ATP9B: variants seen among roughly 807,000 people sequenced by gnomAD.
The protein encoded by ATP9B is ATPase phospholipid transporting 9B.
A neutral mutation model predicts 146.1 loss-of-function variants in ATP9B; 110 were observed. That is an observed-to-expected ratio of 0.75 (90% CI 0.65 to 0.88). The LOEUF (loss-of-function observed/expected upper bound fraction) is 0.88, where lower values mean the gene tolerates loss of function less well. Ranked by LOEUF, ATP9B falls within the 40% of genes least tolerant of loss-of-function variation. ATP9B has a pLI of 0.00. For synonymous variants in ATP9B, 604 were observed against 569.7 expected (o/e 1.06, Z -0.86); for missense variants, 1,499 against 1,496.4 (o/e 1.00, Z -0.03).
chr18:79,290,385 T>G (rs1316765156), intron 13 of ATP9B, among the ~76,000 whole-genome samples: 1 of 152,206 alleles, frequency 6.6e-6, no homozygotes, highest in Non-Finnish European at 1.5e-5. Context: ...GTGCTAGCAA[T>G]CAGCGAGACT....
intron 15 of ATP9B, among the ~76,000 whole-genome samples, chr18:79,325,955 ATC>A (rs1267183800): frequency 7.3e-6 from 1 of 136,548 alleles, no homozygotes; most frequent in African/African-American, 2.9e-5. Flanking sequence ...TTAGGGTGTC[ATC>A]TCTGTACCCT....
chr18:79,311,981 C>T (rs2096655029), intron 15 of ATP9B, among the ~76,000 whole-genome samples: 1 of 152,224 alleles, frequency 6.6e-6, no homozygotes, highest in Admixed American at 6.5e-5. Flanking sequence ...TCGTGGCAGG[C>T]TTTTGCTGTC....
intron 8 of ATP9B, among the ~76,000 whole-genome samples, chr18:79,180,254 G>A (rs985329910): frequency 1.3e-5 from 2 of 152,262 alleles, no homozygotes; most frequent in African/African-American, 4.8e-5. Flanking sequence ...TAATGTGGTT[G>A]AGCGGAAGTC....
At chr18:79,231,408 G>A (rs908939257) in intron 11 of ATP9B, among the ~76,000 whole-genome samples, 4 of 152,084 alleles carry the variant, frequency 2.6e-5, no homozygotes, top group South Asian at 2.1e-4. Context: ...GCAACATCAC[G>A]AATTATCAGG....
chr18:79,230,755 G>A (rs572507997), intron 11 of ATP9B, among the ~76,000 whole-genome samples: 16 of 151,924 alleles, frequency 1.1e-4, no homozygotes, highest in African/African-American at 2.9e-4. Flanking sequence ...AAAAGAGCTC[G>A]CATAGCCAAA....
intron 28 of ATP9B, among the ~76,000 whole-genome samples, chr18:79,375,067 C>T (rs2097095282): frequency 6.6e-6 from 1 of 152,240 alleles, no homozygotes; most frequent in African/African-American, 2.4e-5. Flanking sequence ...GCTCCTTTCA[C>T]ACCTGCAGAA....
intron 13 of ATP9B, 106 bp from the exon 14 acceptor site, chr18:79,303,498 A>G (rs2096604612): frequency 3.8e-6 from 3 of 787,092 alleles, no homozygotes; most frequent in Admixed American, 4.4e-5. Flanking sequence ...TGGGCATCCC[A>G]GCTGCTTCAG....
chr18:79,175,099 G>C (rs1368052974), intron 7 of ATP9B, among the ~76,000 whole-genome samples: 2 of 151,710 alleles, frequency 1.3e-5, no homozygotes, highest in Non-Finnish European at 2.9e-5. Context: ...TACTCGGAAG[G>C]CTGAGGCAGG....
chr18:79,345,925 G>A, intron 23 of ATP9B, 86 bp downstream of exon 23: 1 of 1,453,218 alleles, frequency 6.9e-7, no homozygotes, highest in Non-Finnish European at 9.6e-7. Context: ...TGTACACTCA[G>A]CACCTACTTG....
At chr18:79,373,550 T>C (rs944947339) in intron 27 of ATP9B, among the ~76,000 whole-genome samples, 1 of 150,094 alleles carries the variant, frequency 6.7e-6, no homozygotes, top group Admixed American at 6.7e-5. Context: ...AGTGCAGTGG[T>C]GTGGTCTCAG....
chr18:79,161,606 T>A (rs1160811002), intron 7 of ATP9B, among the ~76,000 whole-genome samples: 2 of 152,204 alleles, frequency 1.3e-5, no homozygotes, highest in Non-Finnish European at 2.9e-5. Context: ...CCCAGCACTT[T>A]GGGAGGCCGA....
chr18:79,294,475 A>G (rs1211647256), intron 13 of ATP9B, among the ~76,000 whole-genome samples: 1 of 152,240 alleles, frequency 6.6e-6, no homozygotes, highest in East Asian at 1.9e-4. Context: ...CAGGCACAGG[A>G]GAAACGGCCA....
chr18:79,288,849 T>C (rs2096471154), intron 13 of ATP9B, among the ~76,000 whole-genome samples: 2 of 152,144 alleles, frequency 1.3e-5, no homozygotes, highest in Admixed American at 1.3e-4. Context: ...GTCTGTAAAG[T>C]ATTTTATTTC....
intron 5 of ATP9B, among the ~76,000 whole-genome samples, chr18:79,129,817 C>T (rs530888434): frequency 1.5e-4 from 23 of 151,810 alleles, no homozygotes; most frequent in Non-Finnish European, 2.6e-4. Context: ...GATCTCAGCT[C>T]ACTGCAACCT....
intron 9 of ATP9B, among the ~76,000 whole-genome samples, chr18:79,203,877 A>G (rs2095511137): frequency 6.6e-6 from 1 of 152,188 alleles, no homozygotes; most frequent in African/African-American, 2.4e-5. Flanking sequence ...GTTAGAGGAT[A>G]TATATCTTTT....
chr18:79,177,125 A>G (rs984562030), intron 8 of ATP9B, among the ~76,000 whole-genome samples: 1 of 152,082 alleles, frequency 6.6e-6, no homozygotes, highest in African/African-American at 2.4e-5. Flanking sequence ...ATTTTCTTTG[A>G]CACTTAGGTT....
At chr18:79,315,837 C>A (rs1306115882) in intron 15 of ATP9B, among the ~76,000 whole-genome samples, 3 of 152,154 alleles carry the variant, frequency 2.0e-5, no homozygotes, top group South Asian at 4.1e-4. Context: ...TGCTAAGCAG[C>A]CTGTGCATGA....
At chr18:79,165,362 G>T (rs2094949483) in intron 7 of ATP9B, among the ~76,000 whole-genome samples, 1 of 152,176 alleles carries the variant, frequency 6.6e-6, no homozygotes, top group Non-Finnish European at 1.5e-5. Flanking sequence ...TGGTGGGCAG[G>T]TCTGTCTTCT....
intron 15 of ATP9B, among the ~76,000 whole-genome samples, chr18:79,324,189 G>T (rs1296082625): frequency 6.6e-6 from 1 of 151,982 alleles, no homozygotes; most frequent in Non-Finnish European, 1.5e-5. Flanking sequence ...CAATGATCTG[G>T]TAGATTCTGC....
Sources: allele counts gnomAD v4.1 joint callset (sites outside exome capture counted in the v4.1 genomes callset), GRCh38; gene constraint gnomAD v4.1.1; transcripts MANE v1.5; gene names NCBI Gene and HGNC (gene_info 2026-07-23, HGNC 2026-07-21).